The following SPIRE1 variants were observed in gnomAD, a reference collection of about 807,000 sequenced individuals.
SPIRE1 encodes the protein protein spire homolog 1.
In SPIRE1, 40 loss-of-function variants were observed where a neutral mutation model predicts 94.1. The ratio of observed to expected loss-of-function variants is 0.43; its 90% confidence interval spans 0.33 to 0.55. SPIRE1 has a LOEUF of 0.55. Ranked by LOEUF, SPIRE1 falls within the 20% of genes least tolerant of loss-of-function variation. The probability of loss-of-function intolerance (pLI) is 0.06; values close to 1 mark genes in which losing one functional copy is unlikely to be tolerated. For synonymous variants in SPIRE1, 376 were observed against 371.7 expected, an observed-to-expected ratio of 1.01 and a Z score of -0.13; for missense variants, 838 against 975.2, an observed-to-expected ratio of 0.86 and a Z score of 1.87.
rs140445247 is a variant in SPIRE1 at position 12,449,633 on chromosome 18, G to C, written c.*5C>G. ...TAGCACAAAAGCAGCTGAAAGGCAC[G>C]AGGCTCAGATCTCACTGATCGTCCT... On this transcript the variant is annotated 3_prime_UTR_variant, in exon 17 of 17. Transcript: ENST00000409402. 626 of 1,612,182 alleles carry C rather than the reference G, an allele frequency of 3.9e-4. 1 individual carries two copies. The African/African-American group carries it at 7.6e-3, about 20-fold the overall frequency.
chr18:12,512,647 C>A, intron 4 of SPIRE1, 116 bp from the exon 5 acceptor site: 1 of 661,584 alleles, frequency 1.5e-6, no homozygotes, highest in Non-Finnish European at 2.6e-6. Flanking sequence ...GGAGATGGTA[C>A]AGAATCTATT....
At chr18:12,495,589 T>G (rs1334848179) in intron 7 of SPIRE1, among the ~76,000 whole-genome samples, 1 of 152,120 alleles carries the variant, frequency 6.6e-6, no homozygotes, top group Non-Finnish European at 1.5e-5. Flanking sequence ...TTCAGTGACT[T>G]AAGAATATAA....
chr18:12,551,045 A>C (rs566351667), intron 2 of SPIRE1, among the ~76,000 whole-genome samples: 1 of 152,306 alleles, frequency 6.6e-6, no homozygotes, highest in African/African-American at 2.4e-5. Flanking sequence ...TCCTTAACTT[A>C]TATTACTAAT....
intron 10 of SPIRE1, among the ~76,000 whole-genome samples, chr18:12,473,790 T>C (rs1598906285): frequency 1.3e-5 from 2 of 152,350 alleles, no homozygotes; most frequent in East Asian, 3.9e-4. Context: ...AGTAAACTGT[T>C]CTGTGTGATA....
At chr18:12,658,339 C>T (rs1230000783), upstream of SPIRE1, 1 of 431,882 alleles carries the variant, frequency 2.3e-6, no homozygotes, top group African/African-American at 2.1e-5. Flanking sequence ...GCTGGGGGCG[C>T]AATGGTGAGG....
intron 1 of SPIRE1, among the ~76,000 whole-genome samples, chr18:12,649,835 C>CA (rs1363941859): frequency 6.6e-6 from 1 of 152,190 alleles, no homozygotes; most frequent in Non-Finnish European, 1.5e-5. Flanking sequence ...AGTAGAAACA[C>CA]AGATACAAAA....
At chr18:12,616,247 T>C (rs537743839) in intron 2 of SPIRE1, among the ~76,000 whole-genome samples, 1 of 151,994 alleles carries the variant, frequency 6.6e-6, no homozygotes, top group African/African-American at 2.4e-5. Flanking sequence ...GTTTGTGGTG[T>C]AGAATGGAGA....
intron 10 of SPIRE1, among the ~76,000 whole-genome samples, chr18:12,471,384 CTTTTT>C (rs975751031): frequency 7.3e-6 from 1 of 137,662 alleles, no homozygotes. Context: ...TGGTTTCTTT[CTTTTT>C]TTTTTTTTTT....
intron 6 of SPIRE1, among the ~76,000 whole-genome samples, chr18:12,497,131 A>G (rs1269810188): frequency 6.6e-6 from 1 of 152,098 alleles, no homozygotes; most frequent in Non-Finnish European, 1.5e-5. Context: ...AGGTAATAGA[A>G]AAAAACCAGG....
intron 3 of SPIRE1, among the ~76,000 whole-genome samples, chr18:12,537,833 A>G (rs888200943): frequency 6.6e-6 from 1 of 152,230 alleles, no homozygotes; most frequent in Non-Finnish European, 1.5e-5. Flanking sequence ...AGTACAAAAT[A>G]TTGTAAAAGA....
At chr18:12,525,276 C>CAAAAAAAAAAAAAA (rs1170791088) in intron 4 of SPIRE1, among the ~76,000 whole-genome samples, 12 of 71,502 alleles carry the variant, frequency 1.7e-4, no homozygotes, top group Non-Finnish European at 2.1e-4. Context: ...GACTCCGTCT[C>CAAAAAAAAAAAAAA]AAAAAAAAAA....
intron 7 of SPIRE1, 67 bp from the exon 8 acceptor site, chr18:12,493,268 C>G (rs1403604737): frequency 1.4e-6 from 2 of 1,402,986 alleles, no homozygotes; most frequent in African/African-American, 1.4e-5. Flanking sequence ...TCTAGTCATA[C>G]AGTACAGTAT....
intron 2 of SPIRE1, among the ~76,000 whole-genome samples, chr18:12,578,292 T>C (rs766466231): frequency 7.9e-5 from 12 of 152,146 alleles, no homozygotes; most frequent in Non-Finnish European, 1.8e-4. Context: ...AAACTGTAAA[T>C]AACCCAACTG....
chr18:12,530,142 C>G (rs1204143896), intron 4 of SPIRE1, among the ~76,000 whole-genome samples: 1 of 152,070 alleles, frequency 6.6e-6, no homozygotes, highest in East Asian at 1.9e-4. Flanking sequence ...TAAAATCTAT[C>G]TCAAATTTAA....
intron 2 of SPIRE1, among the ~76,000 whole-genome samples, chr18:12,632,440 CAT>C (rs1233187532): frequency 6.6e-6 from 1 of 152,218 alleles, no homozygotes; most frequent in African/African-American, 2.4e-5. Flanking sequence ...TTCCTTCTGT[CAT>C]TTCACCAAAC....
At chr18:12,588,393 A>G (rs1247262716) in intron 2 of SPIRE1, 1 of 152,432 alleles carries the variant, frequency 6.6e-6, no homozygotes, top group Admixed American at 6.6e-5. Context: ...AGTGGCTTTC[A>G]TATGTTATTT....
chr18:12,503,325 C>T (rs1419844334), intron 6 of SPIRE1, among the ~76,000 whole-genome samples: 2 of 152,130 alleles, frequency 1.3e-5, no homozygotes, highest in South Asian at 2.1e-4. Context: ...CATTTCACAG[C>T]GCGCATCCGA....
At chr18:12,592,551 C>A (rs569693283) in intron 2 of SPIRE1, among the ~76,000 whole-genome samples, 1 of 152,210 alleles carries the variant, frequency 6.6e-6, no homozygotes, top group South Asian at 2.1e-4. Context: ...ACACAGCTCA[C>A]CCGTGGTAAA....
At chr18:12,609,775 C>G (rs1306559522) in intron 2 of SPIRE1, among the ~76,000 whole-genome samples, 1 of 152,158 alleles carries the variant, frequency 6.6e-6, no homozygotes, top group Non-Finnish European at 1.5e-5. Context: ...GCTCCCACTG[C>G]CCATCTCCCA....
Sources: gnomAD v4.1 joint callset for allele counts (sites outside exome capture counted in the v4.1 genomes callset) on GRCh38, gnomAD v4.1.1 for gene constraint, MANE v1.5 for transcripts, NCBI Gene and HGNC (gene_info 2026-07-23, HGNC 2026-07-21) for gene names.